The following CNTN4 variants were observed in gnomAD, a reference collection of about 807,000 sequenced individuals.
The protein encoded by CNTN4 is contactin-4.
CNTN4 carries 77 observed loss-of-function variants against 122.5 expected under a neutral mutation model. The observed-to-expected ratio is 0.63, with a 90% confidence interval of 0.52 to 0.76. CNTN4 has a LOEUF of 0.76. CNTN4 is among the 30% of genes least tolerant of loss of function. The pLI is 0.00. For missense variants in CNTN4, 1,256 were observed against 1,259.1 expected (o/e 1.00, Z 0.04); for synonymous variants, 512 against 447.0 (o/e 1.15, Z -1.83).
At chr3:2,358,208 T>A (rs1285174205) in intron 3 of CNTN4, among the ~76,000 whole-genome samples, 1 of 152,212 alleles carries the variant, frequency 6.6e-6, no homozygotes, top group African/African-American at 2.4e-5. Context: ...ACAGTCCACT[T>A]AACAGTTTGA....
chr3:2,340,539 G>A (rs1339637219), intron 3 of CNTN4, among the ~76,000 whole-genome samples: 2 of 151,140 alleles, frequency 1.3e-5, no homozygotes, highest in East Asian at 3.9e-4. Context: ...AATTTAGCCG[G>A]ATATGGTGGT....
At chr3:2,503,380 A>G (rs941866524) in intron 3 of CNTN4, among the ~76,000 whole-genome samples, 10 of 152,272 alleles carry the variant, frequency 6.6e-5, no homozygotes, top group African/African-American at 9.6e-5. Flanking sequence ...ACGTTTGTCT[A>G]TGTTCGAAAA....
intron 8 of CNTN4, 80 bp downstream of exon 8, chr3:2,867,029 T>G: frequency 7.2e-6 from 9 of 1,250,720 alleles, no homozygotes; most frequent in South Asian, 1.2e-5. Context: ...TGTTGGCACA[T>G]GAAGCTTTGT....
chr3:2,457,433 T>C (rs1010511670), intron 3 of CNTN4, among the ~76,000 whole-genome samples: 7 of 152,074 alleles, frequency 4.6e-5, no homozygotes, highest in African/African-American at 9.7e-5. Context: ...CTGTTGGCAT[T>C]AAAAAATAAA....
rs535239748 is a variant in CNTN4, at chr3:2,669,423, G to T, written c.56-66792G>T. Among the ~76,000 whole-genome samples, 380 of 152,210 alleles carry T rather than the reference G, an allele frequency of 2.5e-3. 3 individuals carry two copies. The highest frequency in any genetic ancestry group is 8.7e-3 in the African/African-American group (363 of 41,522). ...TCTGATGGTAGTTTGTATTTCTGTG[G>T]GATCAGTGGTGATATCCCCTTTGTC... On this transcript the variant is annotated intron_variant, in intron 4 of 24. Transcript: ENST00000418658.
intron 2 of CNTN4, among the ~76,000 whole-genome samples, chr3:2,256,039 G>A (rs2040576530): frequency 2.0e-5 from 3 of 152,022 alleles, no homozygotes; most frequent in African/African-American, 7.2e-5. Flanking sequence ...TAGATAGACT[G>A]CTAGCCAGAC....
intron 4 of CNTN4, among the ~76,000 whole-genome samples, chr3:2,729,143 A>G (rs17019469): frequency 0.026 from 3,896 of 152,284 alleles, 127 homozygotes; most frequent in African/African-American, 0.072. Flanking sequence ...AGCAAAAGAA[A>G]AGGGTGCTGT....
intron 3 of CNTN4, among the ~76,000 whole-genome samples, chr3:2,374,417 G>A (rs568863431): frequency 3.2e-4 from 49 of 152,294 alleles, no homozygotes; most frequent in African/African-American, 1.2e-3. Context: ...CATCCTCTGT[G>A]TATATTAAGA....
rs778663725 is a variant in CNTN4 at position 3,043,721 on chromosome 3, T to C, written c.2811+17T>C. The C allele has an allele frequency of 3.9e-6, 6 of 1,539,534 alleles. No homozygotes were observed. The highest frequency in any genetic ancestry group is 1.7e-4 in the Middle Eastern group (1 of 5,974). ...GGATACAAAGTAGGTAATTTCTTTT[T>C]TGCAAAGGCACCTAATCGTGCTGTG... On this transcript the variant is annotated intron_variant, in intron 23 of 24. Coordinates refer to ENST00000418658, the MANE Select transcript of CNTN4 (RefSeq NM_175607.3).
At chr3:3,048,822 A>G (rs1188589531) in intron 23 of CNTN4, among the ~76,000 whole-genome samples, 1 of 152,122 alleles carries the variant, frequency 6.6e-6, no homozygotes, top group African/African-American at 2.4e-5. Context: ...AGTTGTCTGA[A>G]TTCTTTAGAT....
chr3:2,441,600 C>G (rs1378918251), intron 3 of CNTN4, among the ~76,000 whole-genome samples: 4 of 152,120 alleles, frequency 2.6e-5, no homozygotes, highest in Admixed American at 2.0e-4. Context: ...AATTTTGATT[C>G]CTGCAGTGGA....
intron 2 of CNTN4, among the ~76,000 whole-genome samples, chr3:2,318,520 T>A (rs763230997): frequency 6.6e-6 from 1 of 152,194 alleles, no homozygotes; most frequent in African/African-American, 2.4e-5. Context: ...GTTTGTATAT[T>A]ACTCTCCTCC....
intron 6 of CNTN4, among the ~76,000 whole-genome samples, chr3:2,745,993 T>C (rs1245128493): frequency 2.3e-5 from 3 of 130,418 alleles, no homozygotes; most frequent in African/African-American, 8.7e-5. Flanking sequence ...GACACATGTA[T>C]AAATTTATGT....
At chr3:2,742,255 T>C (rs1001919749) in intron 5 of CNTN4, among the ~76,000 whole-genome samples, 1 of 152,198 alleles carries the variant, frequency 6.6e-6, no homozygotes, top group Admixed American at 6.5e-5. Context: ...CAACTGAGCC[T>C]TCTCTTTTCA....
intron 7 of CNTN4, among the ~76,000 whole-genome samples, chr3:2,853,268 G>A (rs771593495): frequency 4.6e-5 from 7 of 151,740 alleles, no homozygotes; most frequent in East Asian, 1.9e-4. Context: ...TTTTTGAGAC[G>A]GAGTCTCACT....
chr3:3,009,217 C>T (rs1696941091), intron 14 of CNTN4, among the ~76,000 whole-genome samples: 1 of 152,170 alleles, frequency 6.6e-6, no homozygotes, highest in Admixed American at 6.5e-5. Flanking sequence ...TGCAGAGAGC[C>T]TCTTTCTCTG....
chr3:2,834,864 C>CAAATACA (rs1295732257), intron 7 of CNTN4, among the ~76,000 whole-genome samples: 2 of 135,062 alleles, frequency 1.5e-5, no homozygotes, highest in Non-Finnish European at 3.1e-5. Context: ...AAGCATTATT[C>CAAATACA]AAATACAAAA....
At chr3:2,523,012 G>A (rs1309824368) in intron 3 of CNTN4, among the ~76,000 whole-genome samples, 1 of 151,952 alleles carries the variant, frequency 6.6e-6, no homozygotes. Context: ...AATTGATCTG[G>A]TACATCTTTG....
Position 2,816,226 on chromosome 3 carries a change from C to T in CNTN4, c.359-3260C>T, listed in dbSNP as rs533804043. On this transcript the variant is annotated intron_variant, in intron 6 of 24. Transcript: ENST00000418658. ...AAAATTAGCCGGGCGTGGTGGCGGG[C>T]GCCTGTAGTCCCAGCTACTCGGGAG... is the stretch of plus-strand genomic sequence containing the variant. Among the ~76,000 whole-genome samples the T allele has an allele frequency of 4.3e-3, 637 of 147,128 alleles. 20 individuals carry two copies. The highest frequency in any genetic ancestry group is 0.016 in the African/African-American group (606 of 37,278).
Sources: allele counts gnomAD v4.1 joint callset (sites outside exome capture counted in the v4.1 genomes callset), GRCh38; gene constraint gnomAD v4.1.1; transcripts MANE v1.5; gene names NCBI Gene and HGNC (gene_info 2026-07-23, HGNC 2026-07-21).